SH3PXD2A: variants seen among roughly 807,000 people sequenced by gnomAD.
The protein encoded by SH3PXD2A is SH3 and PX domains 2A, also known as SH3 and PX domain-containing protein 2A.
Under a neutral mutation model 115.2 loss-of-function variants are expected in SH3PXD2A, and 32 were observed. The observed-to-expected ratio is 0.28, with a 90% CI of 0.21 to 0.37. The LOEUF (loss-of-function observed/expected upper bound fraction) is 0.37, where lower values mean the gene tolerates loss of function less well. Among genes scored for constraint, SH3PXD2A ranks in the 10% least tolerant of loss-of-function variants. SH3PXD2A has a pLI of 1.00. For missense variants in SH3PXD2A, 1,328 were observed against 1,498.7 expected (o/e 0.89, Z 1.88); for synonymous variants, 610 against 629.1 (o/e 0.97, Z 0.45).
Position 103,813,048 on chromosome 10 carries a change from A to G in SH3PXD2A, c.73-11686T>C, listed in dbSNP as rs571454568. 5.3e-5 allele frequency among the ~76,000 whole-genome samples: 8 copies of G among 152,326 alleles called. No homozygotes were observed. In the South Asian group the frequency reaches 1.5e-3, roughly 28 times the overall value. On this transcript the variant is annotated intron_variant, in intron 1 of 14. Transcript: ENST00000369774. ...AGGTCAAATAAATTATGGTTCATATACCTACTAAAGATAAGGTGGACTTTT... is the reference window on the plus strand; with the variant it reads ...AGGTCAAATAAATTATGGTTCATATGCCTACTAAAGATAAGGTGGACTTTT...
In SH3PXD2A at chr10:103,600,660, C is replaced by T. The variant is rs771663922; in HGVS notation, c.*1156G>A. ...CCTCCTTCCTGGGGAGGGTTTTTGC[C>T]CCTCTGAGGTTGTGCAGGAACCAGA... On this transcript the variant is annotated 3_prime_UTR_variant, in exon 15 of 15. Coordinates refer to ENST00000369774, the MANE Select transcript of SH3PXD2A (RefSeq NM_001394015.1). 2 of 152,180 alleles carry T rather than the reference C, an allele frequency of 1.3e-5. No individual in the cohort carries two copies. Among genetic ancestry groups the T allele is most frequent in the Admixed American group, 6.5e-5 (1 of 15,284 alleles). The allele number at this position is 152,180 out of a possible 1,614,324, so 9.4% of individuals were successfully genotyped here. A position where few individuals can be genotyped will look rare whatever the true frequency, so the allele number is the denominator to read the frequency against.
At chr10:103,763,473 G>A (rs1337941873) in intron 3 of SH3PXD2A, among the ~76,000 whole-genome samples, 1 of 152,216 alleles carries the variant, frequency 6.6e-6, no homozygotes, top group Non-Finnish European at 1.5e-5. Flanking sequence ...CTATTCTCAA[G>A]GCTGGCTGCT....
At chr10:103,716,079 C>G (rs950965176) in intron 5 of SH3PXD2A, among the ~76,000 whole-genome samples, 28 of 152,176 alleles carry the variant, frequency 1.8e-4, no homozygotes, top group African/African-American at 6.0e-4. Context: ...TGAGTCTGAC[C>G]TCCTCCCACC....
intron 2 of SH3PXD2A, among the ~76,000 whole-genome samples, chr10:103,794,470 G>A (rs560871709): frequency 3.9e-5 from 6 of 152,310 alleles, no homozygotes; most frequent in South Asian, 2.1e-4. Flanking sequence ...TGAAACAACC[G>A]TCCATGGAGC....
At chr10:103,845,497 T>C (rs979706595) in intron 1 of SH3PXD2A, among the ~76,000 whole-genome samples, 2 of 152,108 alleles carry the variant, frequency 1.3e-5, no homozygotes, top group African/African-American at 4.8e-5. Context: ...ACAAATGCCA[T>C]GGCAATGTCA....
chr10:103,658,514 C>T (rs2134043798), intron 8 of SH3PXD2A, among the ~76,000 whole-genome samples: 1 of 152,336 alleles, frequency 6.6e-6, no homozygotes, highest in East Asian at 1.9e-4. Context: ...AACTGGGAAG[C>T]GACCATCCCA....
rs540590045 is a variant in SH3PXD2A at position 103,643,917 on chromosome 10, C to G, written c.605-16715G>C. ...ACGAGGTCAGGAGATCGAGACTATC[C>G]TGGCTAACAGGGTGAAACCCCATCT... On this transcript the variant is annotated intron_variant, in intron 8 of 14. Coordinates refer to ENST00000369774, the MANE Select transcript of SH3PXD2A (RefSeq NM_001394015.1). 9.3e-5 allele frequency among the ~76,000 whole-genome samples: 14 copies of G among 151,320 alleles called. 1 individual carries two copies. Among genetic ancestry groups the G allele is most frequent in the African/African-American group, 3.4e-4 (14 of 41,246 alleles).
At chr10:103,810,762 C>T (rs1407891523) in intron 1 of SH3PXD2A, among the ~76,000 whole-genome samples, 1 of 152,060 alleles carries the variant, frequency 6.6e-6, no homozygotes, top group Admixed American at 6.6e-5. Context: ...AGACTTGGAT[C>T]ATGAGGCTAT....
At position 103,809,103 on chromosome 10, in the gene SH3PXD2A, C is replaced by T. The variant is rs184124234; in HGVS notation, c.73-7741G>A. ...GAGCTCAGCCTGAGAACGATGAGGA[C>T]CCTCAGGGTAGGGCCCTATTAAAAT... On this transcript the variant is annotated intron_variant, in intron 1 of 14. Transcript: ENST00000369774. Among the ~76,000 whole-genome samples the T allele has an allele frequency of 2.0e-5, 3 of 152,304 alleles. No individual in the cohort carries two copies. In the East Asian group the frequency reaches 5.8e-4, roughly 29 times the overall value.
chr10:103,727,535 A>C (rs2038255686), intron 4 of SH3PXD2A, among the ~76,000 whole-genome samples: 3 of 152,096 alleles, frequency 2.0e-5, no homozygotes, highest in Admixed American at 2.0e-4. Context: ...AGGGAGAAGG[A>C]GGGACGCAGG....
chr10:103,799,276 G>A (rs531126492), intron 2 of SH3PXD2A, among the ~76,000 whole-genome samples: 17 of 152,312 alleles, frequency 1.1e-4, no homozygotes, highest in African/African-American at 3.4e-4. Flanking sequence ...CAAAATCAGC[G>A]ACCTGATAAA....
chr10:103,767,084 C>A lies in SH3PXD2A; in HGVS notation c.229+10G>T. 3 of 1,611,010 alleles carry A rather than the reference C, an allele frequency of 1.9e-6. No individual in the cohort carries two copies. Among genetic ancestry groups the A allele is most frequent in the Non-Finnish European group, 2.5e-6 (3 of 1,177,366 alleles). On this transcript the variant is annotated intron_variant, in intron 3 of 14. Coordinates refer to ENST00000369774, the MANE Select transcript of SH3PXD2A (RefSeq NM_001394015.1). ...TCCCCCATCCCTGGGTGGAGCCACC[C>A]AATGCTTACCTGGGAGGAAGGGGAT... is the stretch of plus-strand genomic sequence containing the variant.
intron 2 of SH3PXD2A, among the ~76,000 whole-genome samples, chr10:103,797,062 C>A (rs962013749): frequency 6.6e-6 from 1 of 151,978 alleles, no homozygotes; most frequent in Non-Finnish European, 1.5e-5. Flanking sequence ...CGGGATCTTG[C>A]CGCATTGCCC....
At chr10:103,804,479 G>C (rs905139575) in intron 1 of SH3PXD2A, among the ~76,000 whole-genome samples, 2 of 151,562 alleles carry the variant, frequency 1.3e-5, no homozygotes, top group African/African-American at 4.9e-5. Flanking sequence ...CCGCCACCAC[G>C]CCCGGCTAAT....
At chr10:103,659,949 T>C (rs1274413580) in intron 8 of SH3PXD2A, among the ~76,000 whole-genome samples, 1 of 152,112 alleles carries the variant, frequency 6.6e-6, no homozygotes, top group Admixed American at 6.6e-5. Context: ...GCAACCTCCC[T>C]GTGTCTCGAT....
At chr10:103,768,447 T>G (rs918665024) in intron 2 of SH3PXD2A, among the ~76,000 whole-genome samples, 1 of 152,140 alleles carries the variant, frequency 6.6e-6, no homozygotes. Context: ...GCAAGGCCGA[T>G]GTGGCTGGAG....
At chr10:103,661,882 G>GCCAGC (rs1360304869) in intron 7 of SH3PXD2A, 1 of 984,974 alleles carries the variant, frequency 1.0e-6, no homozygotes, top group Admixed American at 6.2e-5. Context: ...AAGTCCCCGC[G>GCCAGC]CCAGCGGCTG....
At chr10:103,775,889 G>T (rs971046434) in intron 2 of SH3PXD2A, among the ~76,000 whole-genome samples, 1 of 152,190 alleles carries the variant, frequency 6.6e-6, no homozygotes, top group African/African-American at 2.4e-5. Context: ...GAGTCTCTGG[G>T]ATGGGGACTG....
intron 6 of SH3PXD2A, chr10:103,678,108 T>G (rs1006961001): frequency 3.9e-6 from 5 of 1,288,420 alleles, no homozygotes; most frequent in Non-Finnish European, 5.1e-6. Context: ...TCTGGCAGGA[T>G]GGACGCTACA....
Sources: allele counts gnomAD v4.1 joint callset (sites outside exome capture counted in the v4.1 genomes callset), GRCh38; gene constraint gnomAD v4.1.1; transcripts MANE v1.5; gene names NCBI Gene and HGNC (gene_info 2026-07-23, HGNC 2026-07-21).